TTC39C: variants seen among roughly 807,000 people sequenced by gnomAD.
TTC39C encodes tetratricopeptide repeat protein 39C.
In TTC39C, 33 loss-of-function variants were observed where a neutral mutation model predicts 76.3. That is an observed-to-expected ratio of 0.43 (90% confidence interval 0.33 to 0.58). The LOEUF (loss-of-function observed/expected upper bound fraction) is 0.58, where lower values mean the gene tolerates loss of function less well. Ranked by LOEUF, TTC39C falls within the 20% of genes least tolerant of loss-of-function variation. The probability of loss-of-function intolerance (pLI) is 0.04; values close to 1 mark genes in which losing one functional copy is unlikely to be tolerated. For synonymous variants in TTC39C, 254 were observed against 260.6 expected (o/e 0.97, Z 0.24); for missense variants, 595 against 701.4 (o/e 0.85, Z 1.71).
chr18:24,015,776 G>T (rs1385288336), intron 1 of TTC39C, among the ~76,000 whole-genome samples: 1 of 152,196 alleles, frequency 6.6e-6, no homozygotes, highest in Non-Finnish European at 1.5e-5. Flanking sequence ...CGTGTGTTCA[G>T]TTAATTTTTT....
intron 1 of TTC39C, among the ~76,000 whole-genome samples, chr18:24,037,033 A>G (rs1385908719): frequency 6.6e-6 from 1 of 152,002 alleles, no homozygotes; most frequent in Non-Finnish European, 1.5e-5. Context: ...CTTTTCCTTT[A>G]CTACTTGCTC....
In TTC39C at chr18:24,054,432, G is replaced by A. The variant is rs1476245909; in HGVS notation, c.168-9708G>A. ...TTTTCTCTCTAAAAGGAGTGTAAAT[G>A]TAGGAAGTATCTGTGGTGACAGCTT... On this transcript the variant is annotated intron_variant, in intron 1 of 13. Coordinates refer to ENST00000317571, the MANE Select transcript of TTC39C (RefSeq NM_001135993.2). 3.3e-5 allele frequency among the ~76,000 whole-genome samples: 5 copies of A among 152,220 alleles called. 1 individual carries two copies. In the South Asian group the frequency reaches 1.0e-3, roughly 32 times the overall value.
Position 24,125,680 on chromosome 18 carries a change from TTAGA to T in TTC39C, c.1420+135_1420+138del, listed in dbSNP as rs1261714134. 4.8e-6 allele frequency: 6 copies of T among 1,251,496 alleles called. No individual in the cohort carries two copies. The African/African-American group carries it at 9.2e-5, about 19-fold the overall frequency. The allele number at this position is 1,251,496 out of a possible 1,614,324, so 77.5% of individuals were successfully genotyped here. On this transcript the variant is annotated intron_variant, in intron 10 of 13. Transcript: ENST00000317571. ...AGTCAGGGAGAGTACACATCTCTCCTTAGATAGAGGGTGTCGTGATGAAGAAAAT... is the reference window on the plus strand; with the variant it reads ...AGTCAGGGAGAGTACACATCTCTCCTTAGAGGGTGTCGTGATGAAGAAAAT...
At chr18:24,109,176 C>CAAAAAAAAAAAAAAAAAAAAAA (rs35872928) in intron 6 of TTC39C, among the ~76,000 whole-genome samples, 27 of 73,874 alleles carry the variant, frequency 3.7e-4, no homozygotes, top group African/African-American at 1.0e-3. Context: ...CCCGTCTCTA[C>CAAAAAAAAAAAAAAAAAAAAAA]AAAAAAAAAA....
At chr18:24,029,165 C>T (rs1011676421) in intron 1 of TTC39C, among the ~76,000 whole-genome samples, 3 of 149,660 alleles carry the variant, frequency 2.0e-5, no homozygotes, top group Middle Eastern at 3.8e-3. Context: ...TGCAGTGGTG[C>T]GATCTCAGCT....
At chr18:24,017,764 C>A (rs1310076803) in intron 1 of TTC39C, among the ~76,000 whole-genome samples, 1 of 152,224 alleles carries the variant, frequency 6.6e-6, no homozygotes, top group Admixed American at 6.5e-5. Context: ...AAATTACCCT[C>A]TCTGTCTCCT....
At chr18:24,040,988 G>A (rs2083785889) in intron 1 of TTC39C, among the ~76,000 whole-genome samples, 1 of 152,126 alleles carries the variant, frequency 6.6e-6, no homozygotes, top group Non-Finnish European at 1.5e-5. Context: ...TGAAAGTGGC[G>A]TTAGTGGAAT....
At chr18:24,013,205 T>C (rs1185019996), upstream of TTC39C, among the ~76,000 whole-genome samples, 1 of 152,218 alleles carries the variant, frequency 6.6e-6, no homozygotes, top group African/African-American at 2.4e-5. Context: ...ACTCCTGCAT[T>C]ACAACGTACT....
At chr18:24,113,353 G>A (rs188603320) in intron 6 of TTC39C, 75 of 557,110 alleles carry the variant, frequency 1.3e-4, no homozygotes, top group Admixed American at 2.5e-4. Flanking sequence ...CTGCAGTGAC[G>A]TGCTGAGGAG....
At chr18:24,048,216 G>A (rs2083908793) in intron 1 of TTC39C, among the ~76,000 whole-genome samples, 1 of 152,190 alleles carries the variant, frequency 6.6e-6, no homozygotes, top group South Asian at 2.1e-4. Context: ...TAATTTGCGT[G>A]AGACTAATAA....
At chr18:24,055,937 C>T (rs576309574) in intron 1 of TTC39C, among the ~76,000 whole-genome samples, 11 of 152,176 alleles carry the variant, frequency 7.2e-5, no homozygotes, top group South Asian at 2.1e-4. Flanking sequence ...ACTTTTCTTT[C>T]GGAAGGAAAG....
chr18:24,111,474 C>G (rs1417146905), intron 6 of TTC39C, among the ~76,000 whole-genome samples: 3 of 151,030 alleles, frequency 2.0e-5, no homozygotes, highest in Non-Finnish European at 4.4e-5. Context: ...GAGGCTGAGG[C>G]AGGAGAATCG....
At chr18:24,015,508 C>T (rs1417939534) in intron 1 of TTC39C, among the ~76,000 whole-genome samples, 2 of 152,268 alleles carry the variant, frequency 1.3e-5, no homozygotes, top group Non-Finnish European at 2.9e-5. Context: ...TCGCATGGCT[C>T]TGCAACATTG....
At chr18:24,097,435 A>C (rs112794971) in intron 6 of TTC39C, among the ~76,000 whole-genome samples, 156 of 152,262 alleles carry the variant, frequency 1.0e-3, no homozygotes, top group African/African-American at 3.7e-3. Context: ...CCACTTATTT[A>C]CAATTTCCAT....
At chr18:24,040,878 A>G (rs1234515477) in intron 1 of TTC39C, among the ~76,000 whole-genome samples, 1 of 152,078 alleles carries the variant, frequency 6.6e-6, no homozygotes, top group Non-Finnish European at 1.5e-5. Context: ...GTGGTACTGT[A>G]TTTTTGGGGG....
chr18:24,015,018 C>G lies in TTC39C; in HGVS notation c.147C>G (p.Asp49Glu). 1 of 1,512,192 alleles carries G rather than the reference C, an allele frequency of 6.6e-7. No homozygotes were observed. The highest frequency in any genetic ancestry group is 8.8e-7 in the Non-Finnish European group (1 of 1,129,964). 93.7% of individuals were successfully genotyped at this position (1,512,192 alleles called of 1,614,324 possible). ...MLLNNGFRES[D>E]QLFKQYRNHS... ...TCAACAACGGCTTCAGGGAGTCGGA[C>G]CAGCTTTTCAAACAATACAGGTGAC... is the stretch of plus-strand genomic sequence containing the variant. The change falls in exon 1 of 14, where the codon GAC (aspartate) becomes GAG (glutamate). Residue 49 changes from aspartate (D) to glutamate (E), a missense_variant. Asp to Glu is a conservative substitution (Grantham distance 45, BLOSUM62 2). Transcript: ENST00000317571.
chr18:24,092,141 A>C (rs2084530769), intron 6 of TTC39C, among the ~76,000 whole-genome samples: 1 of 129,254 alleles, frequency 7.7e-6, no homozygotes, highest in African/African-American at 2.8e-5. Context: ...ATAATAGACA[A>C]CGGATCTGAA....
At chr18:24,107,954 T>C (rs945771997) in intron 6 of TTC39C, among the ~76,000 whole-genome samples, 3 of 151,578 alleles carry the variant, frequency 2.0e-5, no homozygotes, top group African/African-American at 7.3e-5. Context: ...AGAGATGGGG[T>C]TTCACCATGT....
At chr18:24,028,507 T>C (rs1277577525) in intron 1 of TTC39C, among the ~76,000 whole-genome samples, 1 of 152,228 alleles carries the variant, frequency 6.6e-6, no homozygotes, top group East Asian at 1.9e-4. Context: ...GTGAATAGTA[T>C]GTAAACCCAA....
Sources: gnomAD v4.1 joint callset for allele counts (sites outside exome capture counted in the v4.1 genomes callset) on GRCh38, gnomAD v4.1.1 for gene constraint, MANE v1.5 for transcripts, NCBI Gene and HGNC (gene_info 2026-07-23, HGNC 2026-07-21) for gene names.